The following ALG8 variants were observed in gnomAD, a reference collection of about 807,000 sequenced individuals.
ALG8 encodes ALG8 alpha-1,3-glucosyltransferase, also known as dolichyl pyrophosphate Glc1Man9GlcNAc2 alpha-1,3-glucosyltransferase.
Under a neutral mutation model 70.2 loss-of-function variants are expected in ALG8, and 48 were observed. The ratio of observed to expected loss-of-function variants is 0.68; its 90% CI spans 0.54 to 0.87. The LOEUF (loss-of-function observed/expected upper bound fraction) is 0.87. Ranked by LOEUF, ALG8 falls within the 40% of genes least tolerant of loss-of-function variation. The probability of loss-of-function intolerance (pLI) is 0.00; values close to 1 mark genes in which losing one functional copy is unlikely to be tolerated. For missense variants in ALG8, 572 were observed against 608.7 expected (o/e 0.94, Z 0.64); for synonymous variants, 234 against 229.0 (o/e 1.02, Z -0.20).
intron 6 of ALG8, 114 bp from the exon 7 acceptor site, chr11:78,114,103 G>C: frequency 7.4e-7 from 1 of 1,354,872 alleles, no homozygotes. Flanking sequence ...ATCTATTCAT[G>C]ATGTGGCAAG....
chr11:78,119,665 G>A (rs534149865), intron 4 of ALG8, among the ~76,000 whole-genome samples: 2 of 152,084 alleles, frequency 1.3e-5, no homozygotes, highest in African/African-American at 2.4e-5. Context: ...TCCTGACCTC[G>A]TGATTCCCCA....
chr11:78,103,558 G>A (rs1859889835), intron 12 of ALG8: 1 of 156,878 alleles, frequency 6.4e-6, no homozygotes, highest in East Asian at 1.9e-4. Context: ...AACCCGGTAG[G>A]CGGAGGGTGT....
intron 5 of ALG8, among the ~76,000 whole-genome samples, chr11:78,115,453 G>A (rs940251682): frequency 7.1e-6 from 1 of 141,028 alleles, no homozygotes; most frequent in Non-Finnish European, 1.5e-5. Flanking sequence ...GCACGGTCTC[G>A]TTTACTGCAA....
At chr11:78,136,518 TA>T (rs1861558964) in intron 1 of ALG8, among the ~76,000 whole-genome samples, 1 of 151,842 alleles carries the variant, frequency 6.6e-6, no homozygotes, top group Admixed American at 6.6e-5. Context: ...CCCTGGGAGA[TA>T]GAGCGAGACC....
chr11:78,104,061 AG>A lies in ALG8; in HGVS notation c.1277-10del. The A allele has an allele frequency of 6.9e-7, 1 of 1,458,058 alleles. No homozygotes were observed. The highest frequency in any genetic ancestry group is 1.4e-5 in the African/African-American group (1 of 71,808). The allele number at this position is 1,458,058 out of a possible 1,614,324, so 90.3% of individuals were successfully genotyped here. On this transcript the variant is annotated splice_polypyrimidine_tract_variant and intron_variant, in intron 11 of 12. Coordinates refer to ENST00000299626, the MANE Select transcript of ALG8 (RefSeq NM_024079.5). ...GATTTTAATGGGAAGTTCTGTTAAA[AG>A]AATAGAAAAAAAAAGATAATTTAGC...
intron 2 of ALG8, among the ~76,000 whole-genome samples, chr11:78,125,727 G>C (rs1256345087): frequency 6.6e-6 from 1 of 151,838 alleles, no homozygotes; most frequent in Non-Finnish European, 1.5e-5. Flanking sequence ...AGAATCACTT[G>C]AACCCAGGAG....
chr11:78,131,386 T>C (rs1179626438), intron 1 of ALG8, among the ~76,000 whole-genome samples: 1 of 152,172 alleles, frequency 6.6e-6, no homozygotes, highest in Non-Finnish European at 1.5e-5. Context: ...GAGGATAGCT[T>C]GAGGTTGGAA....
chr11:78,126,643 TA>T lies in ALG8; in HGVS notation c.174+714del, dbSNP rs1163312643. ...CTGATGTCTACACATCACATTTGAT[TA>T]TTCCTTTCCTCACAAAATCACAAAA... On this transcript the variant is annotated intron_variant, in intron 2 of 12. Coordinates refer to ENST00000299626, the MANE Select transcript of ALG8 (RefSeq NM_024079.5). 5.9e-5 allele frequency among the ~76,000 whole-genome samples: 9 copies of T among 152,328 alleles called. No homozygotes were observed. The East Asian group carries it at 1.7e-3, about 29-fold the overall frequency.
At chr11:78,130,554 C>A (rs531438052) in intron 1 of ALG8, among the ~76,000 whole-genome samples, 64 of 152,108 alleles carry the variant, frequency 4.2e-4, no homozygotes, top group African/African-American at 1.4e-3. Context: ...GTATGGAATT[C>A]TAGGTTGAAA....
chr11:78,110,411 C>T (rs750603280), intron 8 of ALG8, among the ~76,000 whole-genome samples: 18 of 152,156 alleles, frequency 1.2e-4, no homozygotes, highest in Non-Finnish European at 2.1e-4. Flanking sequence ...AGGCTGGTCT[C>T]GAGCTCCTGA....
intron 2 of ALG8, among the ~76,000 whole-genome samples, chr11:78,124,766 T>C (rs1419711480): frequency 6.6e-6 from 1 of 152,178 alleles, no homozygotes; most frequent in African/African-American, 2.4e-5. Context: ...TTAAATGAGA[T>C]AATACATATG....
chr11:78,104,927 G>C lies in ALG8; in HGVS notation c.1179-474C>G, dbSNP rs530732248. ...TGCAGTGAGCCGAGATCGCGCCACT[G>C]CACTCCAGCCTGGGCAACAGAGCGA... On this transcript the variant is annotated intron_variant, in intron 10 of 12. Transcript: ENST00000299626. Among the ~76,000 whole-genome samples, 10 of 150,538 alleles carry C rather than the reference G, an allele frequency of 6.6e-5. No individual in the cohort carries two copies. In the South Asian group the frequency reaches 2.1e-3, roughly 32 times the overall value.
chr11:78,107,733 T>C (rs1038433059), intron 9 of ALG8: 4 of 230,558 alleles, frequency 1.7e-5, no homozygotes, highest in Non-Finnish European at 2.7e-5. Flanking sequence ...TCCCAGGTAC[T>C]CTGGAGGCTG....
chr11:78,138,361 A>AT (rs1861637133), intron 1 of ALG8, among the ~76,000 whole-genome samples: 1 of 152,030 alleles, frequency 6.6e-6, no homozygotes, highest in Non-Finnish European at 1.5e-5. Flanking sequence ...CAAAAAAAAA[A>AT]AAAATAACAA....
intron 5 of ALG8, among the ~76,000 whole-genome samples, chr11:78,117,898 C>T (rs779295638): frequency 7.2e-5 from 11 of 151,824 alleles, no homozygotes; most frequent in South Asian, 4.2e-4. Flanking sequence ...GGTGAAACTC[C>T]GTCTCTACTA....
chr11:78,104,543 G>T, intron 10 of ALG8, 90 bp from the exon 11 acceptor site: 1 of 1,182,332 alleles, frequency 8.5e-7, no homozygotes, highest in Non-Finnish European at 1.2e-6. Context: ...CATTAGAACT[G>T]GCTGAGGCAT....
chr11:78,128,045 A>G (rs1050470336), intron 1 of ALG8, among the ~76,000 whole-genome samples: 4 of 152,220 alleles, frequency 2.6e-5, no homozygotes, highest in African/African-American at 9.6e-5. Context: ...GCCTTTGCTC[A>G]GAAGTGACTT....
Position 78,139,286 on chromosome 11 carries a change from C to G in ALG8, c.95+208G>C, listed in dbSNP as rs558746094. 1,455 of 603,108 alleles carry G rather than the reference C, an allele frequency of 2.4e-3. 7 individuals carry two copies. The highest frequency in any genetic ancestry group is 2.9e-3 in the Non-Finnish European group (991 of 338,202). The allele number at this position is 603,108 out of a possible 1,614,324, so 37.4% of individuals were successfully genotyped here. ...TTCAGAAACGTTAAAGTGATTTGTT[C>G]CAAATCAGACAGCGCCAGGTCTGAA... On this transcript the variant is annotated intron_variant, in intron 1 of 12. Transcript: ENST00000299626.
chr11:78,123,073 C>T (rs1366387145), intron 3 of ALG8, among the ~76,000 whole-genome samples: 3 of 151,838 alleles, frequency 2.0e-5, no homozygotes, highest in Non-Finnish European at 2.9e-5. Context: ...TTTGGGAGGC[C>T]GAGGCGGGTG....
Sources: gnomAD v4.1 joint callset for allele counts (sites outside exome capture counted in the v4.1 genomes callset) on GRCh38, gnomAD v4.1.1 for gene constraint, MANE v1.5 for transcripts, NCBI Gene and HGNC (gene_info 2026-07-23, HGNC 2026-07-21) for gene names.